Variants in USP37 observed in about 807,000 individuals in gnomAD.
USP37 encodes ubiquitin specific peptidase 37, also known as ubiquitin carboxyl-terminal hydrolase 37.
USP37 carries 27 observed loss-of-function variants against 124.0 expected under a neutral mutation model. The ratio of observed to expected loss-of-function variants is 0.22; its 90% CI spans 0.16 to 0.30. The LOEUF is 0.30. Ranked by LOEUF, USP37 falls within the 10% of genes least tolerant of loss-of-function variation. The pLI, the probability that USP37 is intolerant of heterozygous loss-of-function variation, is 1.00. For missense variants in USP37, 889 were observed against 1,140.4 expected (o/e 0.78, Z 3.17); for synonymous variants, 365 against 388.0 (o/e 0.94, Z 0.70).
At chr2:218,561,346 CAG>C (rs1693300028) in intron 2 of USP37, among the ~76,000 whole-genome samples, 1 of 152,092 alleles carries the variant, frequency 6.6e-6, no homozygotes, top group Non-Finnish European at 1.5e-5. Flanking sequence ...GATGGAAAGT[CAG>C]GAGAATCCCA....
intron 16 of USP37, 105 bp from the exon 17 acceptor site, chr2:218,482,339 T>A (rs1307530967): frequency 7.8e-7 from 1 of 1,280,812 alleles, no homozygotes; most frequent in Non-Finnish European, 1.0e-6. Context: ...ATTTAAAAAA[T>A]CCATTTGGCC....
intron 20 of USP37, among the ~76,000 whole-genome samples, chr2:218,471,139 A>C (rs1055165009): frequency 2.0e-5 from 3 of 152,214 alleles, no homozygotes; most frequent in African/African-American, 7.2e-5. Flanking sequence ...GATTTTCTTT[A>C]GCAATCTTCA....
chr2:218,498,265 T>C, intron 11 of USP37, 108 bp from the exon 12 acceptor site: 1 of 1,167,604 alleles, frequency 8.6e-7, no homozygotes, highest in Non-Finnish European at 1.2e-6. Context: ...GGAGGGCTTG[T>C]TAAACTACAT....
chr2:218,497,046 T>C (rs1410718874), intron 13 of USP37, among the ~76,000 whole-genome samples: 1 of 152,130 alleles, frequency 6.6e-6, no homozygotes, highest in Non-Finnish European at 1.5e-5. Context: ...TCAATTTCCA[T>C]GATTTCTTAC....
Position 218,495,812 on chromosome 2 carries a change from G to A in USP37, c.1420C>T (p.Pro474Ser). The A allele has an allele frequency of 6.2e-7, 1 of 1,613,724 alleles. No homozygotes were observed. Among genetic ancestry groups the A allele is most frequent in the Non-Finnish European group, 8.5e-7 (1 of 1,179,940 alleles). ...TCAAACTCCAAATTAGTAATAACAGGGCAAGTGTATGCTCTGGTAGCTGAA... is the reference window on the plus strand; with the variant it reads ...TCAAACTCCAAATTAGTAATAACAGAGCAAGTGTATGCTCTGGTAGCTGAA... ...DISATRAYTC[P>S]VITNLEFEVQ... The change falls in exon 14 of 26, where the codon CCT (proline) becomes TCT (serine). Residue 474 changes from proline to serine, a missense_variant. By Grantham distance (74) the Pro-to-Ser change is moderately conservative (BLOSUM62 -1). Coordinates refer to ENST00000258399, the MANE Select transcript of USP37 (RefSeq NM_020935.3).
At chr2:218,527,036 C>T (rs1339098259) in intron 10 of USP37, among the ~76,000 whole-genome samples, 2 of 152,114 alleles carry the variant, frequency 1.3e-5, no homozygotes, top group Non-Finnish European at 2.9e-5. Context: ...GATCCACCCG[C>T]CTCGGCCTCC....
chr2:218,502,006 T>C (rs1574892535), intron 11 of USP37, among the ~76,000 whole-genome samples: 1 of 151,696 alleles, frequency 6.6e-6, no homozygotes, highest in Non-Finnish European at 1.5e-5. Context: ...ATTCACAGAG[T>C]GTTAACAGAG....
intron 1 of USP37, among the ~76,000 whole-genome samples, chr2:218,567,770 T>C (rs996623278): frequency 2.0e-5 from 3 of 152,176 alleles, no homozygotes; most frequent in African/African-American, 4.8e-5. Flanking sequence ...ATACAATTCA[T>C]GTTTTGCAGT....
chr2:218,454,967 C>T lies in USP37; in HGVS notation c.2903G>A (p.Ser968Asn), dbSNP rs957070550. 6.8e-6 allele frequency: 11 copies of T among 1,613,972 alleles called. No individual in the cohort carries two copies. The Admixed American group carries it at 1.2e-4, about 17-fold the overall frequency. Residue 968 changes from serine (S) to asparagine (N), a missense_variant, in exon 26 of 26, where the codon AGC becomes AAC. Around this residue, in one of 3 missense-constraint regions of USP37, gnomAD observed 504 missense variants for 714.3 expected, o/e 0.71. Coordinates refer to ENST00000258399, the MANE Select transcript of USP37 (RefSeq NM_020935.3). ...LETEKNSQSL[S>N]TEVGKTTRQA... Reference sequence around the variant, plus strand: ...ACGGGTAGTCTTCCCCACTTCCGTGCTAAGTGACTGAGAGTTCTTTTCTGT... The same window carrying T: ...ACGGGTAGTCTTCCCCACTTCCGTGTTAAGTGACTGAGAGTTCTTTTCTGT...
At chr2:218,557,284 G>A (rs372756763) in intron 4 of USP37, among the ~76,000 whole-genome samples, 1 of 152,034 alleles carries the variant, frequency 6.6e-6, no homozygotes, top group Non-Finnish European at 1.5e-5. Flanking sequence ...AAACCGTCAT[G>A]CTCCTAAAGA....
intron 17 of USP37, among the ~76,000 whole-genome samples, 193 bp downstream of exon 17, chr2:218,481,877 C>T (rs1269000956): frequency 1.1e-4 from 17 of 152,044 alleles, no homozygotes; most frequent in African/African-American, 1.7e-4. Context: ...TGGTTTCAAA[C>T]TCCTAGGCTC....
chr2:218,566,833 T>G (rs1161445558), intron 1 of USP37, among the ~76,000 whole-genome samples: 1 of 152,098 alleles, frequency 6.6e-6, no homozygotes, highest in African/African-American at 2.4e-5. Flanking sequence ...AGGATAGAAC[T>G]TGGAGAGAGT....
intron 15 of USP37, among the ~76,000 whole-genome samples, 165 bp from the exon 16 acceptor site, chr2:218,485,908 A>C (rs1249977293): frequency 3.3e-5 from 5 of 152,170 alleles, no homozygotes. Context: ...TTAAGACCCA[A>C]TCCTCAAAAT....
chr2:218,515,266 T>C (rs1219133511), intron 10 of USP37, among the ~76,000 whole-genome samples: 1 of 152,120 alleles, frequency 6.6e-6, no homozygotes, highest in Non-Finnish European at 1.5e-5. Flanking sequence ...AGAACAAAGC[T>C]GGAGGCATCA....
intron 11 of USP37, among the ~76,000 whole-genome samples, chr2:218,504,746 TTTTA>T (rs1252122572): frequency 7.9e-5 from 12 of 151,976 alleles, no homozygotes; most frequent in Admixed American, 3.9e-4. Flanking sequence ...AGCCTGCTCA[TTTTA>T]TTTATTTTTT....
intron 7 of USP37, 50 bp downstream of exon 7, chr2:218,546,869 A>G: frequency 6.4e-7 from 1 of 1,573,520 alleles, no homozygotes; most frequent in Non-Finnish European, 8.6e-7. Flanking sequence ...TAAAAGGCCT[A>G]AAAGACATTT....
intron 15 of USP37, among the ~76,000 whole-genome samples, chr2:218,486,593 T>C (rs1163936412): frequency 2.0e-5 from 3 of 152,138 alleles, no homozygotes; most frequent in Non-Finnish European, 4.4e-5. Flanking sequence ...TGGCCAACTT[T>C]TGCATTTTTA....
intron 11 of USP37, among the ~76,000 whole-genome samples, chr2:218,506,911 C>T (rs1198161091): frequency 1.3e-5 from 2 of 151,656 alleles, no homozygotes; most frequent in African/African-American, 4.8e-5. Context: ...ATTCTCCTGC[C>T]TCAGCCTCCC....
intron 2 of USP37, among the ~76,000 whole-genome samples, chr2:218,562,068 A>G (rs1484408915): frequency 2.0e-5 from 3 of 152,244 alleles, no homozygotes; most frequent in Non-Finnish European, 2.9e-5. Context: ...AGGACATAAA[A>G]TTGGCAGAAC....
Sources: gnomAD v4.1 joint callset for allele counts (sites outside exome capture counted in the v4.1 genomes callset) on GRCh38, gnomAD v4.1.1 for gene constraint, gnomAD v4.1.1 regional missense constraint, MANE v1.5 for transcripts, NCBI Gene and HGNC (gene_info 2026-07-23, HGNC 2026-07-21) for gene names.